Variants in TPD52L1 observed in about 807,000 individuals in gnomAD.
The protein encoded by TPD52L1 is TPD52 like 1.
TPD52L1 carries 18 observed loss-of-function variants against 28.7 expected under a neutral mutation model. The observed-to-expected ratio is 0.63, with a 90% CI of 0.43 to 0.93. The LOEUF is 0.93. TPD52L1 is among the 40% of genes least tolerant of loss of function. The pLI is 0.00. For synonymous variants in TPD52L1, 75 were observed against 88.8 expected, an observed-to-expected ratio of 0.84 and a Z score of 0.88; for missense variants, 203 against 254.8, an observed-to-expected ratio of 0.80 and a Z score of 1.39.
intron 4 of TPD52L1, among the ~76,000 whole-genome samples, chr6:125,250,448 T>A (rs1283799319): frequency 1.3e-5 from 2 of 152,190 alleles, no homozygotes; most frequent in Non-Finnish European, 2.9e-5. Context: ...GAGATAAGAA[T>A]AACAATGTCA....
chr6:125,249,476 A>G (rs1000772562), intron 4 of TPD52L1, among the ~76,000 whole-genome samples: 3 of 151,802 alleles, frequency 2.0e-5, no homozygotes, highest in African/African-American at 7.3e-5. Flanking sequence ...GTCAGGAGTT[A>G]GAGACCAGCC....
At chr6:125,162,944 G>A (rs1582831876) in intron 1 of TPD52L1, among the ~76,000 whole-genome samples, 1 of 152,184 alleles carries the variant, frequency 6.6e-6, no homozygotes, top group African/African-American at 2.4e-5. Flanking sequence ...GGAACTACGA[G>A]TCAGAAAAAT....
intron 5 of TPD52L1, among the ~76,000 whole-genome samples, chr6:125,255,201 C>A (rs1170586664): frequency 2.6e-5 from 4 of 152,024 alleles, no homozygotes; most frequent in African/African-American, 9.7e-5. Flanking sequence ...GCTAATGGGT[C>A]AAATGTAGTC....
At chr6:125,171,991 C>T (rs562518491) in intron 1 of TPD52L1, among the ~76,000 whole-genome samples, 12 of 151,944 alleles carry the variant, frequency 7.9e-5, no homozygotes, top group Non-Finnish European at 1.5e-4. Context: ...TGGTCTGTCA[C>T]GGCCCTTCTA....
At chr6:125,260,128 TTG>T (rs2084023073) in intron 6 of TPD52L1, 1 of 152,342 alleles carries the variant, frequency 6.6e-6, no homozygotes, top group East Asian at 1.9e-4. Context: ...GAATTCAATA[TTG>T]TGTGTTACTT....
At chr6:125,251,478 G>A (rs543751377) in intron 4 of TPD52L1, among the ~76,000 whole-genome samples, 9 of 152,170 alleles carry the variant, frequency 5.9e-5, no homozygotes, top group African/African-American at 2.2e-4. Context: ...TTTATGTTAA[G>A]ATTTAATTTG....
At chr6:125,182,172 A>G (rs1434326857) in intron 1 of TPD52L1, among the ~76,000 whole-genome samples, 1 of 152,224 alleles carries the variant, frequency 6.6e-6, no homozygotes, top group African/African-American at 2.4e-5. Flanking sequence ...GCTAATATTT[A>G]TAAACATATA....
chr6:125,239,454 A>G (rs541116512), intron 3 of TPD52L1, among the ~76,000 whole-genome samples: 79 of 152,288 alleles, frequency 5.2e-4, no homozygotes, highest in African/African-American at 1.9e-3. Flanking sequence ...GGAAAGAGAG[A>G]ATGAGAGCCA....
At chr6:125,245,351 G>A (rs150914421) in intron 3 of TPD52L1, among the ~76,000 whole-genome samples, 84 of 152,324 alleles carry the variant, frequency 5.5e-4, no homozygotes, top group African/African-American at 2.0e-3. Context: ...CTCCAGCCAG[G>A]AGGTGGTGTT....
At chr6:125,159,960 T>G (rs1790408527) in intron 1 of TPD52L1, among the ~76,000 whole-genome samples, 1 of 152,148 alleles carries the variant, frequency 6.6e-6, no homozygotes, top group African/African-American at 2.4e-5. Flanking sequence ...TTTCCCATGC[T>G]GTTCTCATGA....
chr6:125,159,855 C>T (rs955281898), intron 1 of TPD52L1, among the ~76,000 whole-genome samples: 3 of 152,122 alleles, frequency 2.0e-5, no homozygotes, highest in Non-Finnish European at 4.4e-5. Flanking sequence ...TTGGCTGTGT[C>T]CCCACCCAAA....
At chr6:125,227,686 T>C (rs189510027) in intron 2 of TPD52L1, among the ~76,000 whole-genome samples, 2 of 152,234 alleles carry the variant, frequency 1.3e-5, no homozygotes, top group African/African-American at 4.8e-5. Flanking sequence ...GATGTAAATG[T>C]AAGCACTGAT....
chr6:125,172,537 T>TATATATAATATATATATATA (rs1562214480), intron 1 of TPD52L1, among the ~76,000 whole-genome samples: 1 of 88,882 alleles, frequency 1.1e-5, no homozygotes, highest in African/African-American at 5.0e-5. Context: ...TATATATATA[T>TATATATAATATATATATATA]ATATATATAT....
chr6:125,203,572 G>A (rs474688), intron 1 of TPD52L1: 458,608 of 940,020 alleles, frequency 0.49, 113,391 homozygotes, highest in East Asian at 0.66. Context: ...CTCATTGAAA[G>A]TAGAGCTGTT....
Position 125,263,132 on chromosome 6 carries a change from T to C in TPD52L1, c.*170T>C. 1.3e-6 allele frequency: 1 copy of C among 761,984 alleles called. No individual in the cohort carries two copies. Among genetic ancestry groups the C allele is most frequent in the Non-Finnish European group, 2.0e-6 (1 of 492,760 alleles). 47.2% of individuals were successfully genotyped at this position (761,984 alleles called of 1,614,324 possible). On this transcript the variant is annotated 3_prime_UTR_variant, in exon 7 of 7. Transcript: ENST00000534000. Reference sequence around the variant, plus strand: ...TAATGATTTCCATTTGTATTTGTGTTGATGATGGACCACTTGACCATCACA... The same window carrying C: ...TAATGATTTCCATTTGTATTTGTGTCGATGATGGACCACTTGACCATCACA...
intron 1 of TPD52L1, among the ~76,000 whole-genome samples, chr6:125,193,354 C>CT (rs1441397149): frequency 6.6e-6 from 1 of 152,050 alleles, no homozygotes; most frequent in African/African-American, 2.4e-5. Context: ...GATATGCTTT[C>CT]TGGGTAGGGT....
intron 1 of TPD52L1, among the ~76,000 whole-genome samples, chr6:125,193,008 A>T (rs1192028495): frequency 6.6e-6 from 1 of 152,232 alleles, no homozygotes; most frequent in Non-Finnish European, 1.5e-5. Context: ...CCAACAGCTT[A>T]TACAATTTAG....
intron 1 of TPD52L1, among the ~76,000 whole-genome samples, chr6:125,161,627 C>G (rs1017860077): frequency 6.6e-5 from 10 of 152,000 alleles, no homozygotes; most frequent in Admixed American, 6.6e-5. Context: ...TGGAGAGGGC[C>G]AGGGACAGGG....
chr6:125,237,378 A>G (rs1054223855), intron 3 of TPD52L1, among the ~76,000 whole-genome samples: 2 of 152,050 alleles, frequency 1.3e-5, no homozygotes, highest in Non-Finnish European at 1.5e-5. Context: ...AGCAGTGAGA[A>G]AGTAGACTCC....
Sources: gnomAD v4.1 joint callset for allele counts (sites outside exome capture counted in the v4.1 genomes callset) on GRCh38, gnomAD v4.1.1 for gene constraint, MANE v1.5 for transcripts, NCBI Gene and HGNC (gene_info 2026-07-23, HGNC 2026-07-21) for gene names.